PLEKHG1: variants seen among roughly 807,000 people sequenced by gnomAD.
PLEKHG1 encodes the protein pleckstrin homology and RhoGEF domain containing G1, also known as pleckstrin homology domain-containing family G member 1.
A neutral mutation model predicts 100.8 loss-of-function variants in PLEKHG1; 44 were observed. The observed-to-expected ratio is 0.44, with a 90% CI of 0.34 to 0.56. The LOEUF (loss-of-function observed/expected upper bound fraction) is 0.56. Among genes scored for constraint, PLEKHG1 ranks in the 20% least tolerant of loss-of-function variants. PLEKHG1 has a pLI of 0.01. For missense variants in PLEKHG1, 1,545 were observed against 1,720.9 expected, an observed-to-expected ratio of 0.90 and a Z score of 1.81; for synonymous variants, 640 against 662.5, an observed-to-expected ratio of 0.97 and a Z score of 0.52.
intron 1 of PLEKHG1, among the ~76,000 whole-genome samples, chr6:150,722,421 T>G (rs1781744469): frequency 6.7e-6 from 1 of 148,288 alleles, no homozygotes; most frequent in Non-Finnish European, 1.5e-5. Context: ...TGGCACGATC[T>G]TGGCTCACTG....
chr6:150,755,604 C>T (rs181748897), intron 2 of PLEKHG1, among the ~76,000 whole-genome samples: 1 of 152,262 alleles, frequency 6.6e-6, no homozygotes, highest in East Asian at 1.9e-4. Flanking sequence ...CAGTTTAACC[C>T]CTGGAATGAT....
chr6:150,634,245 C>T (rs1777890658), intron 1 of PLEKHG1, among the ~76,000 whole-genome samples: 1 of 129,424 alleles, frequency 7.7e-6, no homozygotes, highest in Admixed American at 7.1e-5. Flanking sequence ...ACTCGATCTC[C>T]CCCCCAAAAA....
chr6:150,797,551 G>T (rs1252339377), intron 5 of PLEKHG1, among the ~76,000 whole-genome samples: 1 of 150,826 alleles, frequency 6.6e-6, no homozygotes, highest in African/African-American at 2.4e-5. Context: ...GACCCAAGAA[G>T]CGGCTGGATA....
At chr6:150,750,187 T>C (rs1179058386) in intron 2 of PLEKHG1, among the ~76,000 whole-genome samples, 1 of 152,226 alleles carries the variant, frequency 6.6e-6, no homozygotes, top group Non-Finnish European at 1.5e-5. Flanking sequence ...GTTATATTAA[T>C]ACCAAGGATA....
At chr6:150,616,617 A>G (rs536641384) in intron 1 of PLEKHG1, among the ~76,000 whole-genome samples, 4 of 152,376 alleles carry the variant, frequency 2.6e-5, no homozygotes, top group African/African-American at 9.6e-5. Context: ...TTAATTAACA[A>G]CTAGGCATTT....
chr6:150,704,755 T>G (rs1283440607), intron 3 of PLEKHG1, among the ~76,000 whole-genome samples: 4 of 152,270 alleles, frequency 2.6e-5, no homozygotes, highest in African/African-American at 9.6e-5. Context: ...ACTGGTGGCT[T>G]AAATGACAGA....
intron 2 of PLEKHG1, among the ~76,000 whole-genome samples, chr6:150,761,154 G>GGAGT (rs1784141121): frequency 7.5e-6 from 1 of 132,486 alleles, no homozygotes; most frequent in Non-Finnish European, 1.5e-5. Flanking sequence ...TGCCCAGGCT[G>GGAGT]GAGTGCAGTG....
intron 3 of PLEKHG1, among the ~76,000 whole-genome samples, chr6:150,711,344 TAG>T (rs1781235472): frequency 6.6e-6 from 1 of 152,124 alleles, no homozygotes. Flanking sequence ...TCCCTTCAGT[TAG>T]GTATTCCATC....
chr6:150,724,563 T>C (rs1201924974), intron 1 of PLEKHG1, among the ~76,000 whole-genome samples: 2 of 145,944 alleles, frequency 1.4e-5, no homozygotes, highest in South Asian at 2.2e-4. Flanking sequence ...TTTTTCTTTT[T>C]TTTTTTTTTT....
intron 14 of PLEKHG1, chr6:150,828,251 G>A: frequency 1.9e-6 from 3 of 1,613,620 alleles, no homozygotes; most frequent in Non-Finnish European, 2.5e-6. Context: ...GAGTTGGAAT[G>A]GAAACTGTCT....
intron 3 of PLEKHG1, among the ~76,000 whole-genome samples, chr6:150,690,832 T>C (rs371782041): frequency 7.9e-5 from 12 of 152,242 alleles, no homozygotes; most frequent in East Asian, 3.8e-4. Flanking sequence ...TTCGTGCCTG[T>C]GTGATTTCAG....
intron 3 of PLEKHG1, among the ~76,000 whole-genome samples, chr6:150,699,667 A>C (rs952327672): frequency 2.6e-5 from 4 of 152,188 alleles, no homozygotes; most frequent in Non-Finnish European, 4.4e-5. Context: ...AAATCACTTA[A>C]GCCTCAGAAC....
intron 4 of PLEKHG1, among the ~76,000 whole-genome samples, chr6:150,792,718 C>G (rs762724506): frequency 1.3e-5 from 2 of 152,072 alleles, no homozygotes; most frequent in Non-Finnish European, 2.9e-5. Flanking sequence ...CTTCCTAACT[C>G]TGTCCACTGA....
chr6:150,832,507 G>A (rs967830216), intron 15 of PLEKHG1, among the ~76,000 whole-genome samples: 25 of 152,062 alleles, frequency 1.6e-4, no homozygotes, highest in African/African-American at 5.8e-4. Flanking sequence ...AACGCAATCA[G>A]TTTTAACCTG....
chr6:150,705,241 CAGA>C (rs1213647025), intron 3 of PLEKHG1, among the ~76,000 whole-genome samples: 1 of 152,188 alleles, frequency 6.6e-6, no homozygotes, highest in East Asian at 1.9e-4. Context: ...TAAGTGTCTG[CAGA>C]AGAATGAAAT....
chr6:150,648,949 T>C (rs1474226646), intron 2 of PLEKHG1, among the ~76,000 whole-genome samples: 1 of 152,154 alleles, frequency 6.6e-6, no homozygotes, highest in Non-Finnish European at 1.5e-5. Flanking sequence ...TAGTTTTTGG[T>C]TGGATGTTAA....
intron 7 of PLEKHG1, among the ~76,000 whole-genome samples, chr6:150,807,958 G>A (rs1353538520): frequency 6.6e-6 from 1 of 152,086 alleles, no homozygotes. Context: ...AACAGAGCGA[G>A]ACTCTGTCTC....
At chr6:150,718,492 CAG>C (rs1781526091), upstream of PLEKHG1, among the ~76,000 whole-genome samples, 1 of 129,666 alleles carries the variant, frequency 7.7e-6, no homozygotes, top group East Asian at 2.3e-4. Flanking sequence ...TTTTTTGAGA[CAG>C]AGTGTCACTC....
At chr6:150,712,936 A>G (rs1781290913) in intron 3 of PLEKHG1, among the ~76,000 whole-genome samples, 1 of 152,234 alleles carries the variant, frequency 6.6e-6, no homozygotes, top group East Asian at 1.9e-4. Flanking sequence ...ATTTAGGAAA[A>G]TAGTGCAAAT....
Sources: gnomAD v4.1 joint callset for allele counts (sites outside exome capture counted in the v4.1 genomes callset) on GRCh38, gnomAD v4.1.1 for gene constraint, MANE v1.5 for transcripts, NCBI Gene and HGNC (gene_info 2026-07-23, HGNC 2026-07-21) for gene names.